Variants in ZSWIM3 observed in about 807,000 individuals in gnomAD.
ZSWIM3 encodes zinc finger SWIM-type containing 3, also known as zinc finger SWIM domain-containing protein 3.
Under a neutral mutation model 47.5 loss-of-function variants are expected in ZSWIM3, and 27 were observed. That is an observed-to-expected ratio of 0.57 (90% CI 0.42 to 0.78). The LOEUF (loss-of-function observed/expected upper bound fraction) is 0.78. Ranked by LOEUF, ZSWIM3 falls within the 30% of genes least tolerant of loss-of-function variation. ZSWIM3 has a pLI of 0.00. For synonymous variants in ZSWIM3, 333 were observed against 333.9 expected (o/e 1.00, Z 0.03); for missense variants, 689 against 861.3 (o/e 0.80, Z 2.50).
Position 45,878,651 on chromosome 20 carries a change from G to A in ZSWIM3, c.*2G>A. The A allele has an allele frequency of 3.1e-6, 5 of 1,599,814 alleles. No individual in the cohort carries two copies. Among genetic ancestry groups the A allele is most frequent in the Non-Finnish European group, 4.3e-6 (5 of 1,170,234 alleles). The stretch of plus-strand genomic sequence containing the variant: ...GCTACAGCTGTGATGCATTATTGAA[G>A]CACTTTAGCTGAAGCATTGGACCAC... On this transcript the variant is annotated 3_prime_UTR_variant, in exon 2 of 2. Transcript: ENST00000255152.
At chr20:45,858,866 A>G (rs1286097008) in intron 1 of ZSWIM3, among the ~76,000 whole-genome samples, 1 of 152,208 alleles carries the variant, frequency 6.6e-6, no homozygotes, top group Non-Finnish European at 1.5e-5. Flanking sequence ...CTTAGAGGTT[A>G]AGACAGGAGT....
rs1289508072 is a variant in ZSWIM3 at position 45,878,483 on chromosome 20, A to T, written c.1925A>T (p.Tyr642Phe). 1.2e-6 allele frequency: 2 copies of T among 1,613,914 alleles called. No individual in the cohort carries two copies. The highest frequency in any genetic ancestry group is 2.2e-5 in the South Asian group (2 of 91,070). The change falls in exon 2 of 2, where the codon TAC becomes TTC. Residue 642 changes from tyrosine (Y) to phenylalanine (F), a missense_variant. Coordinates refer to ENST00000255152, the MANE Select transcript of ZSWIM3 (RefSeq NM_080752.4). Reference protein sequence around the residue: ...QTEGPELEERYSTLRKIVDIW... With the variant: ...QTEGPELEERFSTLRKIVDIW... ...GAGGGGCCAGAGCTGGAGGAACGCT[A>T]CTCCACCCTGCGCAAGATTGTGGAT...
chr20:45,872,543 C>G (rs1985997360), intron 1 of ZSWIM3: 3 of 399,572 alleles, frequency 7.5e-6, no homozygotes, highest in South Asian at 6.1e-5. Flanking sequence ...TGCACGTAGT[C>G]CTGAAGGATG....
chr20:45,873,352 G>A lies in ZSWIM3; in HGVS notation c.156-3362G>A, dbSNP rs576675641. Among the ~76,000 whole-genome samples, 277 of 152,218 alleles carry A rather than the reference G, an allele frequency of 1.8e-3. 1 individual carries two copies. Among genetic ancestry groups the A allele is most frequent in the African/African-American group, 6.4e-3 (267 of 41,526 alleles). On this transcript the variant is annotated intron_variant, in intron 1 of 1. Coordinates refer to ENST00000255152, the MANE Select transcript of ZSWIM3 (RefSeq NM_080752.4). ...GGAGGCAGAGGTTGCAGTGAGTCGAGATCGAGCCATCGCACTCCAGCCTGG... is the reference window on the plus strand; with the variant it reads ...GGAGGCAGAGGTTGCAGTGAGTCGAAATCGAGCCATCGCACTCCAGCCTGG...
Position 45,878,347 on chromosome 20 carries a change from G to A in ZSWIM3, c.1789G>A (p.Glu597Lys). 3 of 1,614,236 alleles carry A rather than the reference G, an allele frequency of 1.9e-6. No individual in the cohort carries two copies. The highest frequency in any genetic ancestry group is 2.5e-6 in the Non-Finnish European group (3 of 1,180,044). ...CCAGTACCTCCTTGGGCCCAATGGG[G>A]AGCTCCAGGATCGTGGTATGGTCCC... Reference protein sequence around the residue: ...KYQYLLGPNGELQDRGMVPNT... With the variant: ...KYQYLLGPNGKLQDRGMVPNT... Residue 597 changes from glutamate to lysine, a missense_variant, in exon 2 of 2, where the codon GAG (glutamate) becomes AAG (lysine). Transcript: ENST00000255152.
In ZSWIM3 at chr20:45,876,860, T is replaced by A; in HGVS notation, c.302T>A (p.Ile101Lys). Residue 101 changes from isoleucine to lysine, a missense_variant, in exon 2 of 2, where the codon ATA becomes AAA. Ile to Lys is a moderately radical substitution (Grantham distance 102). Transcript: ENST00000255152. ...ATCAGTGAACTAAACACACAGCACA[T>A]ACATGGTGACTCTAAAGTGGCTAGT... ...LFISELNTQH[I>K]HGDSKVASPG... 1.2e-6 allele frequency: 2 copies of A among 1,614,122 alleles called. No individual in the cohort carries two copies. Among genetic ancestry groups the A allele is most frequent in the Non-Finnish European group, 1.7e-6 (2 of 1,180,022 alleles).
At chr20:45,873,421 G>A (rs899018798) in intron 1 of ZSWIM3, among the ~76,000 whole-genome samples, 1 of 152,062 alleles carries the variant, frequency 6.6e-6, no homozygotes, top group Non-Finnish European at 1.5e-5. Flanking sequence ...AGCATCTGCT[G>A]AAGGCACAGT....
At chr20:45,859,806 A>AC (rs1351267626) in intron 1 of ZSWIM3, among the ~76,000 whole-genome samples, 2 of 149,126 alleles carry the variant, frequency 1.3e-5, no homozygotes, top group Non-Finnish European at 3.0e-5. Flanking sequence ...AAAAAAAAAA[A>AC]AAAAAAAAAA....
intron 1 of ZSWIM3, among the ~76,000 whole-genome samples, chr20:45,873,985 A>G (rs1431779160): frequency 6.6e-6 from 1 of 152,254 alleles, no homozygotes; most frequent in Non-Finnish European, 1.5e-5. Flanking sequence ...GTTTTGAATC[A>G]TCACTTTAAG....
chr20:45,863,183 TTG>T (rs1197160739), intron 1 of ZSWIM3, among the ~76,000 whole-genome samples: 36 of 151,338 alleles, frequency 2.4e-4, no homozygotes, highest in Middle Eastern at 3.4e-3. Flanking sequence ...TTTTTTTTGT[TTG>T]TTTGTTTGTT....
Position 45,877,485 on chromosome 20 carries a change from C to T in ZSWIM3, c.927C>T (p.His309=). The T allele has an allele frequency of 1.2e-6, 2 of 1,614,196 alleles. No homozygotes were observed. The highest frequency in any genetic ancestry group is 1.7e-6 in the Non-Finnish European group (2 of 1,180,034). The part of the protein sequence containing the change: ...PAARILLSIY[H]TTRLLEKKLH... ...CCCGCATCCTCCTTTCCATCTACCA[C>T]ACAACCCGACTCTTGGAGAAGAAGT... The change falls in exon 2 of 2, where the codon CAC becomes CAT. Residue 309 remains histidine (H), a synonymous_variant. Transcript: ENST00000255152.
rs777811141 is a variant in ZSWIM3, at chr20:45,878,516, C to T, written c.1958C>T (p.Ala653Val). 5 of 1,614,084 alleles carry T rather than the reference C, an allele frequency of 3.1e-6. No individual in the cohort carries two copies. In the African/African-American group the frequency reaches 5.3e-5, roughly 17 times the overall value. Residue 653 changes from alanine to valine, a missense_variant, in exon 2 of 2, where the codon GCT (alanine) becomes GTT (valine). Physicochemically the swap from Ala to Val is moderately conservative, Grantham distance 64. Coordinates refer to ENST00000255152, the MANE Select transcript of ZSWIM3 (RefSeq NM_080752.4). ...STLRKIVDIWAGPSQPSELFQ... is the reference protein window; with the variant it reads ...STLRKIVDIWVGPSQPSELFQ... ...CTGCGCAAGATTGTGGATATCTGGG[C>T]TGGCCCCTCCCAGCCATCTGAGCTC...
intron 1 of ZSWIM3, among the ~76,000 whole-genome samples, chr20:45,868,771 T>C (rs991392085): frequency 6.7e-6 from 1 of 149,942 alleles, no homozygotes; most frequent in Non-Finnish European, 1.5e-5. Flanking sequence ...GCTGCCATTA[T>C]AACCTACTTT....
rs781443158 is a variant in ZSWIM3, at chr20:45,877,774, T to C, written c.1216T>C (p.Phe406Leu). ...DIVTSKVSSLFREQQSLLDCI... is the reference protein window; with the variant it reads ...DIVTSKVSSLLREQQSLLDCI... ...TGTCACCAGCAAGGTGTCAAGCCTCTTTCGGGAACAGCAGTCGCTGCTGGA... is the reference window on the plus strand; with the variant it reads ...TGTCACCAGCAAGGTGTCAAGCCTCCTTCGGGAACAGCAGTCGCTGCTGGA... The change falls in exon 2 of 2, where the codon TTT becomes CTT. Residue 406 changes from phenylalanine (F) to leucine (L), a missense_variant. Physicochemically the swap from Phe to Leu is conservative, Grantham distance 22. Coordinates refer to ENST00000255152, the MANE Select transcript of ZSWIM3 (RefSeq NM_080752.4). 6.2e-7 allele frequency: 1 copy of C among 1,614,164 alleles called. No homozygotes were observed. The highest frequency in any genetic ancestry group is 1.1e-5 in the South Asian group (1 of 91,086).
rs778080755 is a variant in ZSWIM3 at position 45,877,192 on chromosome 20, G to A, written c.634G>A (p.Asp212Asn). The part of the protein sequence containing the change: ...RLSFQSSKMT[D>N]LFIRFPENLL... ...CAGCTTCCAGAGCAGTAAGATGACC[G>A]ACCTGTTCATCCGCTTCCCAGAGAA... The change falls in exon 2 of 2, where the codon GAC (aspartate) becomes AAC (asparagine). Residue 212 changes from aspartate to asparagine, a missense_variant. Coordinates refer to ENST00000255152, the MANE Select transcript of ZSWIM3 (RefSeq NM_080752.4). The A allele has an allele frequency of 8.7e-6, 14 of 1,613,950 alleles. No individual in the cohort carries two copies. Among genetic ancestry groups the A allele is most frequent in the Admixed American group, 8.3e-5 (5 of 59,984 alleles).
chr20:45,857,825 C>T lies in ZSWIM3; in HGVS notation c.-1C>T. Reference sequence around the variant, plus strand: ...CCCTAGTGTGGGTTGTGGGGGCGGCCATGGAGCTGGGCAGCTGCTTCAAGA... The same window carrying T: ...CCCTAGTGTGGGTTGTGGGGGCGGCTATGGAGCTGGGCAGCTGCTTCAAGA... On this transcript the variant is annotated 5_prime_UTR_variant, in exon 1 of 2. Coordinates refer to ENST00000255152, the MANE Select transcript of ZSWIM3 (RefSeq NM_080752.4). The T allele has an allele frequency of 6.2e-7, 1 of 1,613,644 alleles. No homozygotes were observed. The highest frequency in any genetic ancestry group is 8.5e-7 in the Non-Finnish European group (1 of 1,179,696).
intron 1 of ZSWIM3, among the ~76,000 whole-genome samples, chr20:45,860,049 A>C (rs1985667736): frequency 6.6e-6 from 1 of 152,206 alleles, no homozygotes; most frequent in South Asian, 2.1e-4. Flanking sequence ...AGCTGTCAGA[A>C]GGTGTATTGG....
Position 45,867,380 on chromosome 20 carries a change from A to C in ZSWIM3, c.156-9334A>C, listed in dbSNP as rs369895474. Among the ~76,000 whole-genome samples, 68 of 152,324 alleles carry C rather than the reference A, an allele frequency of 4.5e-4. No individual in the cohort carries two copies. The East Asian group carries it at 7.3e-3, about 16-fold the overall frequency. ...ATGCTCCAGTCACTGTAGTGAGGGC[A>C]GTGTTAATAAAGCCTAAGGAAGGAT... is the stretch of plus-strand genomic sequence containing the variant. On this transcript the variant is annotated intron_variant, in intron 1 of 1. Coordinates refer to ENST00000255152, the MANE Select transcript of ZSWIM3 (RefSeq NM_080752.4).
Position 45,857,635 on chromosome 20 carries a change from C to A in ZSWIM3, c.-191C>A. 1.4e-6 allele frequency: 1 copy of A among 718,610 alleles called. No individual in the cohort carries two copies. Among genetic ancestry groups the A allele is most frequent in the Non-Finnish European group, 2.4e-6 (1 of 425,334 alleles). The allele number at this position is 718,610 out of a possible 1,614,324, so 44.5% of individuals were successfully genotyped here. A position where few individuals can be genotyped will look rare whatever the true frequency, so the allele number is the denominator to read the frequency against. On this transcript the variant is annotated 5_prime_UTR_variant, in exon 1 of 2. Coordinates refer to ENST00000255152, the MANE Select transcript of ZSWIM3 (RefSeq NM_080752.4). ...CCCTGTCAGATAGCAAATACACCCC[C>A]TTCCTCTTGTAACCCGGTCAGGCCT...
Sources: allele counts gnomAD v4.1 joint callset (sites outside exome capture counted in the v4.1 genomes callset), GRCh38; gene constraint gnomAD v4.1.1; transcripts MANE v1.5; gene names NCBI Gene and HGNC (gene_info 2026-07-23, HGNC 2026-07-21).